Variants in ARID5B observed in about 807,000 individuals in gnomAD.
ARID5B encodes the protein AT-rich interaction domain 5B, also known as AT-rich interactive domain-containing protein 5B.
Under a neutral mutation model 97.2 loss-of-function variants are expected in ARID5B, and 13 were observed. The observed-to-expected ratio is 0.13, with a 90% CI of 0.09 to 0.21. The LOEUF (loss-of-function observed/expected upper bound fraction) is 0.21, where lower values mean the gene tolerates loss of function less well. Among genes scored for constraint, ARID5B ranks in the 10% least tolerant of loss-of-function variants. The pLI, the probability that ARID5B is intolerant of heterozygous loss-of-function variation, is 1.00. For missense variants in ARID5B, 1,210 were observed against 1,465.3 expected, an observed-to-expected ratio of 0.83 and a Z score of 2.84; for synonymous variants, 556 against 570.3, an observed-to-expected ratio of 0.97 and a Z score of 0.36.
chr10:62,071,348 A>G (rs1457768490), intron 8 of ARID5B, among the ~76,000 whole-genome samples: 3 of 152,098 alleles, frequency 2.0e-5, no homozygotes, highest in Non-Finnish European at 2.9e-5. Flanking sequence ...CATTTTTACT[A>G]GAAACTCTGT....
At chr10:61,956,369 G>A (rs899105603) in intron 3 of ARID5B, among the ~76,000 whole-genome samples, 5 of 152,176 alleles carry the variant, frequency 3.3e-5, no homozygotes, top group Non-Finnish European at 5.9e-5. Flanking sequence ...ATCCCACACA[G>A]TCCATGGAAA....
chr10:61,905,943 C>T (rs1335030045), intron 2 of ARID5B, among the ~76,000 whole-genome samples: 2 of 152,010 alleles, frequency 1.3e-5, no homozygotes, highest in Non-Finnish European at 2.9e-5. Flanking sequence ...ATAATACTTC[C>T]AGTGTTCGCA....
intron 8 of ARID5B, among the ~76,000 whole-genome samples, chr10:62,082,447 T>C (rs1564646854): frequency 6.6e-6 from 1 of 152,192 alleles, no homozygotes; most frequent in Non-Finnish European, 1.5e-5. Context: ...TTGCAGTCCA[T>C]TGAAAATATT....
chr10:62,052,603 A>G (rs1839804424), intron 5 of ARID5B, among the ~76,000 whole-genome samples: 1 of 152,236 alleles, frequency 6.6e-6, no homozygotes, highest in Non-Finnish European at 1.5e-5. Context: ...TTGATCTGAA[A>G]GAGCAGACCT....
At chr10:61,953,032 C>A (rs1046327684) in intron 3 of ARID5B, among the ~76,000 whole-genome samples, 1 of 151,674 alleles carries the variant, frequency 6.6e-6, no homozygotes, top group African/African-American at 2.4e-5. Flanking sequence ...TGTTTGTAAT[C>A]TTTTTTTAAG....
At chr10:61,997,657 T>C (rs1183315507) in intron 3 of ARID5B, among the ~76,000 whole-genome samples, 2 of 152,178 alleles carry the variant, frequency 1.3e-5, no homozygotes, top group Non-Finnish European at 2.9e-5. Flanking sequence ...GTATGGGAGA[T>C]GGTGTTAAGT....
chr10:62,015,704 A>C (rs1589259094), intron 4 of ARID5B, among the ~76,000 whole-genome samples: 1 of 151,804 alleles, frequency 6.6e-6, no homozygotes, highest in Non-Finnish European at 1.5e-5. Flanking sequence ...GCTCACTGCA[A>C]CCTCCGCCTC....
At chr10:61,940,836 G>A (rs1406457423) in intron 3 of ARID5B, among the ~76,000 whole-genome samples, 1 of 146,664 alleles carries the variant, frequency 6.8e-6, no homozygotes, top group Non-Finnish European at 1.5e-5. Flanking sequence ...TGTGGAGCAA[G>A]AGAACAATGT....
intron 2 of ARID5B, among the ~76,000 whole-genome samples, chr10:61,910,833 G>T (rs1015039727): frequency 2.6e-5 from 4 of 152,172 alleles, no homozygotes; most frequent in Admixed American, 1.3e-4. Flanking sequence ...TAGGATGGGT[G>T]GTTTAATTAC....
chr10:62,067,531 T>C (rs1840009968), intron 7 of ARID5B, among the ~76,000 whole-genome samples: 1 of 152,244 alleles, frequency 6.6e-6, no homozygotes, highest in Non-Finnish European at 1.5e-5. Context: ...GACTCAAAGC[T>C]AAAGGTTGAG....
At chr10:62,049,300 A>C in intron 4 of ARID5B, 3 of 1,475,208 alleles carry the variant, frequency 2.0e-6, no homozygotes, top group African/African-American at 2.8e-5. Flanking sequence ...TGTTTACATG[A>C]GTAATGGAGC....
At chr10:61,978,787 A>G (rs1386647238) in intron 3 of ARID5B, among the ~76,000 whole-genome samples, 1 of 152,218 alleles carries the variant, frequency 6.6e-6, no homozygotes, top group Non-Finnish European at 1.5e-5. Flanking sequence ...TTCTAAATAT[A>G]CAATCATGTC....
chr10:61,950,252 C>T (rs532416475), intron 3 of ARID5B, among the ~76,000 whole-genome samples: 41 of 152,246 alleles, frequency 2.7e-4, no homozygotes, highest in African/African-American at 8.2e-4. Flanking sequence ...GTGATCTGCC[C>T]GCCTCAGCTT....
chr10:62,021,351 C>T (rs186356820), intron 4 of ARID5B, among the ~76,000 whole-genome samples: 14 of 152,180 alleles, frequency 9.2e-5, no homozygotes, highest in Admixed American at 7.9e-4. Flanking sequence ...CTGGGAATAA[C>T]TTGGTGTGTG....
chr10:61,911,696 A>G (rs1564598930), intron 2 of ARID5B, among the ~76,000 whole-genome samples: 3 of 152,190 alleles, frequency 2.0e-5, no homozygotes, highest in Admixed American at 6.5e-5. Flanking sequence ...TCTGTGATTC[A>G]TAGGCCATAC....
chr10:61,958,191 G>A (rs1036500099), intron 3 of ARID5B, among the ~76,000 whole-genome samples: 4 of 152,184 alleles, frequency 2.6e-5, no homozygotes, highest in East Asian at 3.8e-4. Context: ...GCATGAGTAC[G>A]TCTTGCCTGT....
rs1200017294 is a variant in ARID5B, at chr10:62,071,367, T to A, written c.1199+1570T>A. Among the ~76,000 whole-genome samples, 4 of 152,186 alleles carry A rather than the reference T, an allele frequency of 2.6e-5. No homozygotes were observed. In the East Asian group the frequency reaches 7.7e-4, roughly 29 times the overall value. On this transcript the variant is annotated intron_variant, in intron 8 of 9. Transcript: ENST00000279873. ...TTTACTAGAAACTCTGTCCCTGTTT[T>A]CAAATAGATTCTGTTTTGAGAGTGG...
intron 7 of ARID5B, among the ~76,000 whole-genome samples, chr10:62,062,895 T>A (rs74159511): frequency 1.2e-3 from 187 of 151,976 alleles, no homozygotes; most frequent in African/African-American, 4.4e-3. Context: ...GGGATCATCA[T>A]GGCTTTCTTC....
intron 8 of ARID5B, among the ~76,000 whole-genome samples, chr10:62,071,298 T>TGCTG (rs955582238): frequency 6.6e-6 from 1 of 152,150 alleles, no homozygotes; most frequent in African/African-American, 2.4e-5. Context: ...CCTCCCAAAG[T>TGCTG]GCTGGGATTA....
Sources: allele counts gnomAD v4.1 joint callset (sites outside exome capture counted in the v4.1 genomes callset), GRCh38; gene constraint gnomAD v4.1.1; transcripts MANE v1.5; gene names NCBI Gene and HGNC (gene_info 2026-07-23, HGNC 2026-07-21).